COMMD1: variants seen among roughly 807,000 people sequenced by gnomAD.
The protein encoded by COMMD1 is copper metabolism domain containing 1, also known as COMM domain-containing protein 1.
A neutral mutation model predicts 17.2 loss-of-function variants in COMMD1; 10 were observed. The ratio of observed to expected loss-of-function variants is 0.58; its 90% CI spans 0.36 to 0.99. COMMD1 has a LOEUF of 0.99. COMMD1 is among the 50% of genes least tolerant of loss of function. The pLI is 0.01. For synonymous variants in COMMD1, 97 were observed against 91.6 expected, an observed-to-expected ratio of 1.06 and a Z score of -0.34; for missense variants, 270 against 231.8, an observed-to-expected ratio of 1.17 and a Z score of -1.07.
At chr2:61,899,344 T>C (rs965298145) in intron 1 of COMMD1, among the ~76,000 whole-genome samples, 1 of 152,226 alleles carries the variant, frequency 6.6e-6, no homozygotes, top group African/African-American at 2.4e-5. Flanking sequence ...ATAATTTTTA[T>C]CTTCCTTTAG....
At chr2:61,990,634 G>C (rs1672222294) in intron 1 of COMMD1, among the ~76,000 whole-genome samples, 1 of 152,126 alleles carries the variant, frequency 6.6e-6, no homozygotes, top group Non-Finnish European at 1.5e-5. Flanking sequence ...TCACAATCAT[G>C]GTGGAAGGTG....
At chr2:62,099,551 A>T (rs1459437730) in intron 2 of COMMD1, among the ~76,000 whole-genome samples, 2 of 150,668 alleles carry the variant, frequency 1.3e-5, no homozygotes, top group Non-Finnish European at 3.0e-5. Context: ...TCTCTTTTGG[A>T]GGGTTTATTT....
chr2:62,083,238 G>C (rs1671574826), intron 2 of COMMD1, among the ~76,000 whole-genome samples: 1 of 152,012 alleles, frequency 6.6e-6, no homozygotes, highest in Non-Finnish European at 1.5e-5. Context: ...GCTGCAGCCT[G>C]GGTGACAGAA....
chr2:62,084,317 C>A (rs933467927), intron 2 of COMMD1, among the ~76,000 whole-genome samples: 4 of 152,118 alleles, frequency 2.6e-5, no homozygotes, highest in African/African-American at 7.2e-5. Context: ...CCTTACATAA[C>A]AGTTGATTAA....
At chr2:61,917,317 A>G (rs1451547823) in intron 1 of COMMD1, among the ~76,000 whole-genome samples, 2 of 151,686 alleles carry the variant, frequency 1.3e-5, no homozygotes, top group Non-Finnish European at 2.9e-5. Flanking sequence ...AGATTGTGCC[A>G]CTGTACTCCA....
intron 2 of COMMD1, among the ~76,000 whole-genome samples, chr2:62,018,854 G>A (rs1669527097): frequency 6.6e-6 from 1 of 152,154 alleles, no homozygotes; most frequent in Admixed American, 6.5e-5. Context: ...TCTGTAGGCT[G>A]GGAGTCCAAG....
At chr2:62,106,826 G>T (rs1369483531) in intron 2 of COMMD1, among the ~76,000 whole-genome samples, 2 of 152,216 alleles carry the variant, frequency 1.3e-5, no homozygotes, top group African/African-American at 4.8e-5. Flanking sequence ...TGTGGAAAGT[G>T]CACATCCGTG....
At chr2:62,049,042 G>T (rs75172279) in intron 2 of COMMD1, among the ~76,000 whole-genome samples, 2,335 of 151,994 alleles carry the variant, frequency 0.015, 62 homozygotes, top group African/African-American at 0.053. Flanking sequence ...AATGGGTGAG[G>T]GAAATACATT....
Position 62,055,766 on chromosome 2 carries a change from A to G in COMMD1, c.462+54784A>G, listed in dbSNP as rs1421706890. On this transcript the variant is annotated intron_variant, in intron 2 of 2. Transcript: ENST00000311832. ...TTGTTTTGAACCTTCAGGAGAGGAC[A>G]CAGTTCAGAAGGTGGAACGTGTTCC... 2.0e-5 allele frequency among the ~76,000 whole-genome samples: 3 copies of G among 152,368 alleles called. No individual in the cohort carries two copies. In the East Asian group the frequency reaches 5.8e-4, roughly 29 times the overall value.
chr2:61,925,660 G>A (rs911562660), intron 1 of COMMD1, among the ~76,000 whole-genome samples: 1 of 152,134 alleles, frequency 6.6e-6, no homozygotes. Context: ...GGAAGGGTGG[G>A]CAGCACCAAG....
At chr2:61,894,390 C>G (rs753855907) in intron 1 of COMMD1, among the ~76,000 whole-genome samples, 3 of 151,870 alleles carry the variant, frequency 2.0e-5, no homozygotes, top group Non-Finnish European at 2.9e-5. Flanking sequence ...GCGTGAGTCA[C>G]CATTCCCAGC....
At chr2:61,955,338 G>GTCTC (rs1296769905) in intron 1 of COMMD1, among the ~76,000 whole-genome samples, 1 of 131,416 alleles carries the variant, frequency 7.6e-6, no homozygotes, top group East Asian at 2.2e-4. Context: ...CTCTCTCTCT[G>GTCTC]TCTCTCTCGA....
intron 2 of COMMD1, among the ~76,000 whole-genome samples, chr2:62,103,542 G>A (rs1437322689): frequency 2.6e-5 from 4 of 152,126 alleles, no homozygotes; most frequent in Non-Finnish European, 4.4e-5. Flanking sequence ...GGTGTAGACC[G>A]TATATAGAAC....
At position 61,939,721 on chromosome 2, in the gene COMMD1, CTAAACTA is replaced by C. The variant is rs542668344; in HGVS notation, c.180+33868_180+33874del. Among the ~76,000 whole-genome samples, 265 of 152,256 alleles carry C rather than the reference CTAAACTA, an allele frequency of 1.7e-3. 1 individual carries two copies. The highest frequency in any genetic ancestry group is 3.4e-3 in the Middle Eastern group (1 of 294). On this transcript the variant is annotated intron_variant, in intron 1 of 2. Transcript: ENST00000311832. ...CAAAAACATAGTTCACCCAAATGCT[CTAAACTA>C]TAAATAACTATAAAAAAAATTTTTT...
chr2:61,964,655 A>G (rs1671460214), intron 1 of COMMD1, among the ~76,000 whole-genome samples: 1 of 151,748 alleles, frequency 6.6e-6, no homozygotes, highest in East Asian at 1.9e-4. Context: ...CAACATGGTG[A>G]AACCCCGTCT....
chr2:61,896,333 C>G (rs1029494594), intron 1 of COMMD1, among the ~76,000 whole-genome samples: 1 of 152,120 alleles, frequency 6.6e-6, no homozygotes, highest in African/African-American at 2.4e-5. Flanking sequence ...TGCCTGTAAT[C>G]CCAGCACTTT....
At chr2:62,042,253 A>T (rs1405367775) in intron 2 of COMMD1, among the ~76,000 whole-genome samples, 1 of 152,200 alleles carries the variant, frequency 6.6e-6, no homozygotes, top group Non-Finnish European at 1.5e-5. Context: ...CAGAGTGCTG[A>T]TTGGTGCATT....
intron 1 of COMMD1, among the ~76,000 whole-genome samples, chr2:61,986,947 G>A (rs1468829909): frequency 6.6e-6 from 1 of 152,068 alleles, no homozygotes; most frequent in African/African-American, 2.4e-5. Context: ...TCTTTTGCTT[G>A]ATCAAGTCTG....
At chr2:61,905,173 CAAGTGTATATAA>C (rs1446055347), upstream of COMMD1, among the ~76,000 whole-genome samples, 1 of 151,960 alleles carries the variant, frequency 6.6e-6, no homozygotes. Flanking sequence ...GCTGGAAAGA[CAAGTGTATATAA>C]AAAGGCAATT....
Sources: gnomAD v4.1 joint callset for allele counts (sites outside exome capture counted in the v4.1 genomes callset) on GRCh38, gnomAD v4.1.1 for gene constraint, MANE v1.5 for transcripts, NCBI Gene and HGNC (gene_info 2026-07-23, HGNC 2026-07-21) for gene names.